Variants in ARHGAP8 observed in about 807,000 individuals in gnomAD.
ARHGAP8 encodes the protein Rho GTPase activating protein 8, also known as rho GTPase-activating protein 8.
In ARHGAP8, 62 loss-of-function variants were observed where a neutral mutation model predicts 46.1. The observed-to-expected ratio is 1.34, with a 90% CI of 1.10 to 1.66. ARHGAP8 has a LOEUF of 1.66. Ranked by LOEUF, ARHGAP8 falls within the 40% of genes most tolerant of loss-of-function variation. ARHGAP8 has a pLI of 0.00. For missense variants in ARHGAP8, 923 were observed against 568.4 expected (o/e 1.62, Z -6.34); for synonymous variants, 375 against 243.1 (o/e 1.54, Z -5.05).
At chr22:44,762,679 G>A (rs576863621) in intron 1 of ARHGAP8, among the ~76,000 whole-genome samples, 2 of 151,832 alleles carry the variant, frequency 1.3e-5, no homozygotes, top group East Asian at 2.0e-4. Flanking sequence ...GAGTAGCTGG[G>A]ATTACAGGCG....
chr22:44,837,232 C>T (rs1025431045), intron 7 of ARHGAP8, among the ~76,000 whole-genome samples: 1 of 152,164 alleles, frequency 6.6e-6, no homozygotes, highest in Non-Finnish European at 1.5e-5. Context: ...GTGCATTCCT[C>T]GCATGCAAAA....
intron 7 of ARHGAP8, among the ~76,000 whole-genome samples, chr22:44,836,972 C>G (rs1460078468): frequency 1.3e-5 from 2 of 152,052 alleles, no homozygotes; most frequent in Non-Finnish European, 2.9e-5. Flanking sequence ...GCAACATCCA[C>G]CTCCCTGTTT....
At chr22:44,769,328 C>T (rs1925832163) in intron 1 of ARHGAP8, among the ~76,000 whole-genome samples, 1 of 152,226 alleles carries the variant, frequency 6.6e-6, no homozygotes, top group Non-Finnish European at 1.5e-5. Flanking sequence ...ACCTGTATGT[C>T]TCTCTATGCC....
intron 2 of ARHGAP8, among the ~76,000 whole-genome samples, chr22:44,791,351 G>A (rs1040867479): frequency 1.3e-5 from 2 of 152,130 alleles, no homozygotes; most frequent in Non-Finnish European, 2.9e-5. Flanking sequence ...GATGGCACAG[G>A]AAGCAGTCTT....
intron 7 of ARHGAP8, among the ~76,000 whole-genome samples, chr22:44,841,120 A>T (rs1569174044): frequency 6.6e-6 from 1 of 152,206 alleles, no homozygotes; most frequent in Non-Finnish European, 1.5e-5. Context: ...GCAGGGTGGA[A>T]TCTGCCGTGG....
rs2349855 is a variant in ARHGAP8 at position 44,859,847 on chromosome 22, G to C, written c.981+13G>C. The C allele has an allele frequency of 0.24, 392,055 of 1,611,340 alleles. 50,594 individuals carry two copies. Among genetic ancestry groups the C allele is most frequent in the Admixed American group, 0.29 (17,257 of 59,852 alleles). On this transcript the variant is annotated intron_variant, in intron 11 of 11. Coordinates refer to ENST00000356099, the MANE Select transcript of ARHGAP8 (RefSeq NM_181335.3). ...CTTCCTGCATGCGGTGAGTGGGGAAGGGGGGAGCTTGGGGTGAAGCCCAGT... is the reference window on the plus strand; with the variant it reads ...CTTCCTGCATGCGGTGAGTGGGGAACGGGGGAGCTTGGGGTGAAGCCCAGT...
At chr22:44,844,186 A>G (rs892943828) in intron 7 of ARHGAP8, among the ~76,000 whole-genome samples, 3 of 152,092 alleles carry the variant, frequency 2.0e-5, no homozygotes, top group Admixed American at 6.6e-5. Flanking sequence ...TGGCCAGGCT[A>G]GGCTTGAACT....
At position 44,859,933 on chromosome 22, in the gene ARHGAP8, T is replaced by G. The variant is rs192297044; in HGVS notation, c.981+99T>G. 910 of 1,395,512 alleles carry G rather than the reference T, an allele frequency of 6.5e-4. 10 individuals carry two copies. The African/African-American group carries it at 0.012, about 18-fold the overall frequency. 86.4% of individuals were successfully genotyped at this position (1,395,512 alleles called of 1,614,324 possible). On this transcript the variant is annotated intron_variant, in intron 11 of 11. Transcript: ENST00000356099. The stretch of plus-strand genomic sequence containing the variant: ...TCCCCTCCTTGCCCTGGGTCTGGGG[T>G]CATGCCCTGCTTGGGCCTCGGAATA...
intron 1 of ARHGAP8, among the ~76,000 whole-genome samples, chr22:44,762,461 G>A (rs1020988034): frequency 6.6e-6 from 1 of 151,722 alleles, no homozygotes; most frequent in African/African-American, 2.4e-5. Context: ...TCTTTGTTAG[G>A]TCTTTGTCCC....
chr22:44,766,436 CTT>C (rs763629861), intron 1 of ARHGAP8, among the ~76,000 whole-genome samples: 7 of 151,282 alleles, frequency 4.6e-5, no homozygotes, highest in Non-Finnish European at 7.4e-5. Context: ...ACACGTGTGT[CTT>C]TGTGCATATG....
chr22:44,755,244 C>A (rs1011930865), intron 1 of ARHGAP8, among the ~76,000 whole-genome samples: 1 of 152,212 alleles, frequency 6.6e-6, no homozygotes, highest in African/African-American at 2.4e-5. Context: ...CCCGTGTCCC[C>A]ACCTTCCTCC....
chr22:44,786,541 A>AC lies in ARHGAP8; in HGVS notation c.14_15insC (p.Pro6SerfsTer24). 6.2e-7 allele frequency: 1 copy of AC among 1,612,322 alleles called. No homozygotes were observed. Among genetic ancestry groups the AC allele is most frequent in the Non-Finnish European group, 8.5e-7 (1 of 1,179,504 alleles). On this transcript the variant is annotated frameshift_variant, in exon 2 of 12. Transcript: ENST00000356099. LOFTEE classifies it high-confidence loss of function. Reference sequence around the variant, plus strand: ...TCGGTGGTGCCCATGGCTGGCCAGGATCCTGCGCTGAGCACGAGTCACCCG... The same window carrying AC: ...TCGGTGGTGCCCATGGCTGGCCAGGACTCCTGCGCTGAGCACGAGTCACCCG...
At chr22:44,787,828 A>T (rs1481973234) in intron 2 of ARHGAP8, among the ~76,000 whole-genome samples, 1 of 151,904 alleles carries the variant, frequency 6.6e-6, no homozygotes, top group Non-Finnish European at 1.5e-5. Flanking sequence ...CCCCAGAAAC[A>T]TGATAAACAC....
intron 7 of ARHGAP8, among the ~76,000 whole-genome samples, chr22:44,832,030 G>T (rs1315158378): frequency 6.6e-6 from 1 of 152,120 alleles, no homozygotes; most frequent in Non-Finnish European, 1.5e-5. Context: ...TGTCCTGGGT[G>T]TGTAGACCAA....
chr22:44,765,711 C>G (rs969577026), intron 1 of ARHGAP8, among the ~76,000 whole-genome samples: 1 of 152,236 alleles, frequency 6.6e-6, no homozygotes, highest in Non-Finnish European at 1.5e-5. Context: ...ACCTCTGCAT[C>G]TGGAAGCCAG....
chr22:44,776,230 C>T (rs1602158953), intron 1 of ARHGAP8, among the ~76,000 whole-genome samples: 1 of 152,102 alleles, frequency 6.6e-6, no homozygotes, highest in Admixed American at 6.6e-5. Context: ...GCGGGTGGAT[C>T]ACCTGAGTTC....
Position 44,845,355 on chromosome 22 carries a change from C to T in ARHGAP8, c.670+13C>T, listed in dbSNP as rs377592891. On this transcript the variant is annotated intron_variant, in intron 8 of 11. Coordinates refer to ENST00000356099, the MANE Select transcript of ARHGAP8 (RefSeq NM_181335.3). ...CTGAGAGAGAAAGGTGAGACGGGGCCGGCTCCAGCTGGATGACGTGAGGGC... is the reference window on the plus strand; with the variant it reads ...CTGAGAGAGAAAGGTGAGACGGGGCTGGCTCCAGCTGGATGACGTGAGGGC... 76 of 1,613,908 alleles carry T rather than the reference C, an allele frequency of 4.7e-5. 1 individual carries two copies. Among genetic ancestry groups the T allele is most frequent in the South Asian group, 1.4e-4 (13 of 91,058 alleles).
chr22:44,818,421 C>T (rs1307511944), intron 5 of ARHGAP8, among the ~76,000 whole-genome samples: 1 of 144,130 alleles, frequency 6.9e-6, no homozygotes, highest in East Asian at 2.1e-4. Context: ...TGCACTCCAG[C>T]CTGGGCAACA....
chr22:44,771,766 G>A (rs548998351), intron 1 of ARHGAP8, among the ~76,000 whole-genome samples: 1 of 150,858 alleles, frequency 6.6e-6, no homozygotes, highest in South Asian at 2.1e-4. Context: ...TGCTGGCCAG[G>A]CTGGTCTCGA....
Sources: gnomAD v4.1 joint callset for allele counts (sites outside exome capture counted in the v4.1 genomes callset) on GRCh38, gnomAD v4.1.1 for gene constraint, MANE v1.5 for transcripts, NCBI Gene and HGNC (gene_info 2026-07-23, HGNC 2026-07-21) for gene names.